EML6: variants seen among roughly 807,000 people sequenced by gnomAD.
EML6 encodes the protein EMAP like 6.
Under a neutral mutation model 240.1 loss-of-function variants are expected in EML6, and 154 were observed. That is an observed-to-expected ratio of 0.64 (90% CI 0.56 to 0.73). The LOEUF (loss-of-function observed/expected upper bound fraction) is 0.73, where lower values mean the gene tolerates loss of function less well. Ranked by LOEUF, EML6 falls within the 30% of genes least tolerant of loss-of-function variation. EML6 has a pLI of 0.00. For synonymous variants in EML6, 1,148 were observed against 899.0 expected (o/e 1.28, Z -4.95); for missense variants, 2,964 against 2,474.6 (o/e 1.20, Z -4.20).
intron 24 of EML6, among the ~76,000 whole-genome samples, chr2:54,907,897 A>G (rs2104261058): frequency 7.8e-6 from 1 of 128,792 alleles, no homozygotes; most frequent in East Asian, 2.6e-4. Flanking sequence ...TAGATTAGAT[A>G]GATTAGATAG....
chr2:54,912,488 T>G (rs1673694195), intron 25 of EML6, among the ~76,000 whole-genome samples: 2 of 152,336 alleles, frequency 1.3e-5, no homozygotes, highest in South Asian at 2.1e-4. Flanking sequence ...CACTGAGGAC[T>G]GGCATACAAA....
intron 26 of EML6, 121 bp from the exon 27 acceptor site, chr2:54,928,192 G>C (rs1201039459): frequency 1.3e-6 from 1 of 794,860 alleles, no homozygotes; most frequent in Non-Finnish European, 2.1e-6. Context: ...CATTCTAGTT[G>C]AAATGTAGGA....
At chr2:54,900,678 C>T (rs764620439) in intron 22 of EML6, among the ~76,000 whole-genome samples, 2 of 152,212 alleles carry the variant, frequency 1.3e-5, no homozygotes, top group Non-Finnish European at 2.9e-5. Context: ...CTTCCTCCAT[C>T]TCTCTAATTT....
intron 24 of EML6, among the ~76,000 whole-genome samples, chr2:54,904,990 C>A (rs1200444583): frequency 6.6e-6 from 1 of 152,058 alleles, no homozygotes; most frequent in Non-Finnish European, 1.5e-5. Flanking sequence ...TTATACGGTG[C>A]AGTAGATAGA....
At chr2:54,900,114 G>C (rs1372486389) in intron 22 of EML6, among the ~76,000 whole-genome samples, 1 of 152,152 alleles carries the variant, frequency 6.6e-6, no homozygotes, top group Non-Finnish European at 1.5e-5. Context: ...TATTTATTTT[G>C]TAACAGTCTC....
chr2:54,750,141 A>G (rs1382651273), intron 2 of EML6, among the ~76,000 whole-genome samples: 4 of 152,184 alleles, frequency 2.6e-5, no homozygotes, highest in Non-Finnish European at 4.4e-5. Context: ...ACTGTCCACA[A>G]TACCCCCTTG....
intron 2 of EML6, among the ~76,000 whole-genome samples, chr2:54,791,920 A>G (rs919902080): frequency 2.0e-5 from 3 of 152,164 alleles, no homozygotes; most frequent in African/African-American, 7.2e-5. Context: ...TTCTGATTCT[A>G]TGAAGGAGTA....
At position 54,928,723 on chromosome 2, in the gene EML6, C is replaced by T; in HGVS notation, c.3976C>T (p.Gln1326Ter). The change falls in exon 28 of 42, where the codon CAG becomes TAG. Residue 1326 changes from glutamine (Q) to a stop codon, truncating the protein, a stop_gained. Transcript: ENST00000356458. LOFTEE classifies it high-confidence loss of function. The stretch of plus-strand genomic sequence containing the variant: ...AATGGAAGGCACCAAGCCACACCAG[C>T]AGCTGAAGGAAGTTTCCGTGGAAGA... ...REMEGTKPHQ[Q>*]LKEVSVEERP... 2 of 1,551,886 alleles carry T rather than the reference C, an allele frequency of 1.3e-6. No individual in the cohort carries two copies. Among genetic ancestry groups the T allele is most frequent in the East Asian group, 2.4e-5 (1 of 40,918 alleles).
At chr2:54,804,572 G>T (rs1470357532) in intron 2 of EML6, among the ~76,000 whole-genome samples, 1 of 152,204 alleles carries the variant, frequency 6.6e-6, no homozygotes, top group African/African-American at 2.4e-5. Context: ...CTTCCTGCCT[G>T]TGGAAGACTT....
intron 17 of EML6, chr2:54,880,270 T>TGA (rs1448459268): frequency 6.6e-6 from 1 of 152,302 alleles, no homozygotes; most frequent in African/African-American, 2.4e-5. Flanking sequence ...TGCCCAACCC[T>TGA]GATCAGGGGT....
At chr2:54,895,977 A>G (rs1004492864) in intron 21 of EML6, among the ~76,000 whole-genome samples, 14 of 152,244 alleles carry the variant, frequency 9.2e-5, no homozygotes, top group African/African-American at 3.1e-4. Context: ...TGCCTTTGCC[A>G]TATGCTGTTG....
At chr2:54,859,464 AG>A (rs960552848) in intron 11 of EML6, 69 bp from the exon 12 acceptor site, 24 of 1,190,770 alleles carry the variant, frequency 2.0e-5, no homozygotes, top group Admixed American at 4.8e-5. Context: ...CATGAACAGA[AG>A]GGGGGTTGTT....
At position 54,853,634 on chromosome 2, in the gene EML6, T is replaced by G; in HGVS notation, c.1445-9T>G. On this transcript the variant is annotated splice_polypyrimidine_tract_variant and intron_variant, in intron 10 of 41. Coordinates refer to ENST00000356458, the MANE Select transcript of EML6 (RefSeq NM_001039753.4). ...ATTTAAATGTAATGTTAATATTGAT[T>G]ATTTTCAGCTGGGAAGCCTTTAACA... 1 of 1,492,638 alleles carries G rather than the reference T, an allele frequency of 6.7e-7. No homozygotes were observed. The highest frequency in any genetic ancestry group is 1.3e-5 in the South Asian group (1 of 75,466). 92.5% of individuals were successfully genotyped at this position (1,492,638 alleles called of 1,614,324 possible).
In EML6 at chr2:54,970,213, A is replaced by G. The variant is rs1421573611; in HGVS notation, c.*118A>G. The G allele has an allele frequency of 2.1e-6, 2 of 975,228 alleles. No homozygotes were observed. Among genetic ancestry groups the G allele is most frequent in the Non-Finnish European group, 3.2e-6 (2 of 626,544 alleles). The allele number at this position is 975,228 out of a possible 1,614,324, so 60.4% of individuals were successfully genotyped here. A position where few individuals can be genotyped will look rare whatever the true frequency, so the allele number is the denominator to read the frequency against. ...GGAAATGCCTACCATGCTGCCCCGG[A>G]TGCACAAGCTCAAAACGCTGCAGAA... On this transcript the variant is annotated 3_prime_UTR_variant, in exon 42 of 42. Transcript: ENST00000356458.
At chr2:54,726,558 G>A (rs1175219961) in intron 2 of EML6, among the ~76,000 whole-genome samples, 2 of 152,016 alleles carry the variant, frequency 1.3e-5, no homozygotes, top group African/African-American at 4.8e-5. Flanking sequence ...GAGTGCTAAT[G>A]TTCTCAAGAT....
At chr2:54,771,500 G>T (rs1009236444) in intron 2 of EML6, among the ~76,000 whole-genome samples, 1 of 152,210 alleles carries the variant, frequency 6.6e-6, no homozygotes, top group African/African-American at 2.4e-5. Flanking sequence ...TATTTCTATT[G>T]CTAATTGCAT....
At chr2:54,859,232 A>T (rs1166204448) in intron 11 of EML6, among the ~76,000 whole-genome samples, 3 of 152,196 alleles carry the variant, frequency 2.0e-5, no homozygotes, top group Non-Finnish European at 4.4e-5. Context: ...AATGTGTAAG[A>T]TGTTCATTCT....
chr2:54,890,782 A>T (rs111726052), intron 17 of EML6, among the ~76,000 whole-genome samples: 4 of 152,216 alleles, frequency 2.6e-5, no homozygotes, highest in Non-Finnish European at 5.9e-5. Context: ...TTATGGAGAC[A>T]TTACAATATG....
At chr2:54,806,661 G>C (rs979069311) in intron 2 of EML6, among the ~76,000 whole-genome samples, 4 of 145,144 alleles carry the variant, frequency 2.8e-5, no homozygotes, top group Admixed American at 7.0e-5. Flanking sequence ...CCGTTTCTGG[G>C]GGTGAGGGGT....
Sources: allele counts gnomAD v4.1 joint callset (sites outside exome capture counted in the v4.1 genomes callset), GRCh38; gene constraint gnomAD v4.1.1; transcripts MANE v1.5; gene names NCBI Gene and HGNC (gene_info 2026-07-23, HGNC 2026-07-21).